IGSF3: variants seen among roughly 807,000 people sequenced by gnomAD.
The protein encoded by IGSF3 is immunoglobulin superfamily member 3.
A neutral mutation model predicts 114.4 loss-of-function variants in IGSF3; 23 were observed. That is an observed-to-expected ratio of 0.20 (90% CI 0.14 to 0.28). IGSF3 has a LOEUF of 0.28. IGSF3 is among the 10% of genes least tolerant of loss of function. IGSF3 has a pLI of 1.00. For synonymous variants in IGSF3, 571 were observed against 645.2 expected (o/e 0.88, Z 1.74); for missense variants, 1,172 against 1,591.5 (o/e 0.74, Z 4.48).
At chr1:116,663,027 C>T (rs1333852986) in intron 2 of IGSF3, among the ~76,000 whole-genome samples, 1 of 152,204 alleles carries the variant, frequency 6.6e-6, no homozygotes, top group African/African-American at 2.4e-5. Context: ...CCCTCTGGAG[C>T]AGAACACAAA....
rs774807591 is a variant in IGSF3 at position 116,584,966 on chromosome 1, G to A, written c.2527C>T (p.Arg843Cys). The A allele has an allele frequency of 3.2e-5, 52 of 1,608,200 alleles. No homozygotes were observed. The highest frequency in any genetic ancestry group is 6.7e-5 in the Admixed American group (4 of 59,838). ...QVQLECVVLN[R>C]TSITSQLMVE... ...ATGAGCTGGGAGGTTATGCTGGTGC[G>A]GTTGAGAACCACACACTCCAGCTGT... The change falls in exon 9 of 11, where the codon CGC becomes TGC. Residue 843 changes from arginine to cysteine, a missense_variant. This residue lies in a region of IGSF3 where 423 missense variants were observed against 509.8 expected (regional missense o/e 0.83). Coordinates refer to ENST00000369486, the MANE Select transcript of IGSF3 (RefSeq NM_001007237.3). The surrounding 1 kb of genome is among the most constrained non-coding windows in gnomAD (Gnocchi z 5.8).
chr1:116,584,982 C>T lies in IGSF3; in HGVS notation c.2511G>A (p.Glu837=). ...SVLETRQVQL[E]CVVLNRTSIT... is the part of the protein sequence containing the mutation. ...TGCTGGTGCGGTTGAGAACCACACA[C>T]TCCAGCTGTACCTGCCGGGTCTCCA... The change falls in exon 9 of 11, where the codon GAG becomes GAA. Residue 837 remains glutamate, a synonymous_variant. Transcript: ENST00000369486. The surrounding 1 kb of genome is among the most constrained non-coding windows in gnomAD (Gnocchi z 5.8). 6.3e-7 allele frequency: 1 copy of T among 1,595,466 alleles called. No homozygotes were observed. Among genetic ancestry groups the T allele is most frequent in the South Asian group, 1.1e-5 (1 of 89,446 alleles).
intron 5 of IGSF3, among the ~76,000 whole-genome samples, chr1:116,604,540 G>GT (rs1660717483): frequency 6.6e-6 from 1 of 152,236 alleles, no homozygotes; most frequent in South Asian, 2.1e-4. Flanking sequence ...AAAACCAACA[G>GT]TAAGTATTGG....
Position 116,633,478 on chromosome 1 carries a change from A to G in IGSF3, c.44-17021T>C, listed in dbSNP as rs1647685866. On this transcript the variant is annotated intron_variant, in intron 2 of 10. Coordinates refer to ENST00000369486, the MANE Select transcript of IGSF3 (RefSeq NM_001007237.3). This position sits in a 1 kb window ranked among gnomAD's most constrained non-coding sequence, Gnocchi z 4.3. Reference sequence around the variant, plus strand: ...ATCCTTAAAATCCCCTTTCAGCTCCAAGACTGTGTAATTCTGTGATACCAG... The same window carrying G: ...ATCCTTAAAATCCCCTTTCAGCTCCGAGACTGTGTAATTCTGTGATACCAG... Among the ~76,000 whole-genome samples, 1 of 152,204 alleles carries G rather than the reference A, an allele frequency of 6.6e-6. No individual in the cohort carries two copies. Among genetic ancestry groups the G allele is most frequent in the African/African-American group, 2.4e-5 (1 of 41,466 alleles).
Position 116,577,438 on chromosome 1 carries a change from G to A in IGSF3, c.3459C>T (p.Asn1153=). The A allele has an allele frequency of 1.9e-6, 3 of 1,614,234 alleles. No homozygotes were observed. The highest frequency in any genetic ancestry group is 2.5e-6 in the Non-Finnish European group (3 of 1,180,044). Residue 1153 remains asparagine (N), a synonymous_variant, in exon 11 of 11, where the codon AAC becomes AAT. Coordinates refer to ENST00000369486, the MANE Select transcript of IGSF3 (RefSeq NM_001007237.3). This position sits in a 1 kb window ranked among gnomAD's most constrained non-coding sequence, Gnocchi z 5.7. ...TILLVRFKSR[N]SSKNSDGKNG... is the part of the protein sequence containing the mutation. ...TCTTCCCATCAGAGTTCTTGCTGGA[G>A]TTCCGGCTCTTGAAACGCACCAGAA...
rs564791305 is a variant in IGSF3 at position 116,600,867 on chromosome 1, A to G, written c.1625-522T>C. Among the ~76,000 whole-genome samples the G allele has an allele frequency of 2.1e-3, 318 of 152,030 alleles. 2 individuals are homozygous for G. Among genetic ancestry groups the G allele is most frequent in the African/African-American group, 7.5e-3 (309 of 41,346 alleles). ...TTCTCACGTCCCTCATGAAATCCAA[A>G]AACAGAGCAGGTGGGGACCTCCAGT... On this transcript the variant is annotated intron_variant, in intron 6 of 10. Transcript: ENST00000369486. The surrounding 1 kb of genome is among the most constrained non-coding windows in gnomAD (Gnocchi z 5.5).
rs1648749412 is a variant in IGSF3 at position 116,654,132 on chromosome 1, A to C, written c.43+12152T>G. On this transcript the variant is annotated intron_variant, in intron 2 of 10. Coordinates refer to ENST00000369486, the MANE Select transcript of IGSF3 (RefSeq NM_001007237.3). This position sits in a 1 kb window ranked among gnomAD's most constrained non-coding sequence, Gnocchi z 4.4. ...TCCATCTATGTGAAGCAGAATTCCC[A>C]ACACACCACCATCTCCAAACCAACA... 1.3e-5 allele frequency among the ~76,000 whole-genome samples: 2 copies of C among 152,186 alleles called. No homozygotes were observed. Among genetic ancestry groups the C allele is most frequent in the Admixed American group, 6.5e-5 (1 of 15,276 alleles).
At position 116,664,585 on chromosome 1, in the gene IGSF3, A is replaced by G. The variant is rs1649253065; in HGVS notation, c.43+1699T>C. ...CTTGTTTGTGTCCTGTTGAATCCAC[A>G]TGAATCACTAATTGCTGATTTAAAC... is the stretch of plus-strand genomic sequence containing the variant. On this transcript the variant is annotated intron_variant, in intron 2 of 10. Transcript: ENST00000369486. This position sits in a 1 kb window ranked among gnomAD's most constrained non-coding sequence, Gnocchi z 4.6. Among the ~76,000 whole-genome samples the G allele has an allele frequency of 6.6e-6, 1 of 152,184 alleles. No homozygotes were observed. The highest frequency in any genetic ancestry group is 2.4e-5 in the African/African-American group (1 of 41,426).
intron 2 of IGSF3, among the ~76,000 whole-genome samples, chr1:116,620,497 C>G (rs1661383204): frequency 6.6e-6 from 1 of 152,182 alleles, no homozygotes; most frequent in African/African-American, 2.4e-5. Context: ...AGACCTTGCC[C>G]TATGCACTAA....
Position 116,666,562 on chromosome 1 carries a change from G to A in IGSF3, c.-236C>T, listed in dbSNP as rs190733426. ...CTACAGGAAGGGTCCACAACAATTC[G>A]GAAGTCGCTCCCGGCTCCTGCCACA... On this transcript the variant is annotated 5_prime_UTR_variant, in exon 2 of 11. Coordinates refer to ENST00000369486, the MANE Select transcript of IGSF3 (RefSeq NM_001007237.3). 2 of 600,552 alleles carry A rather than the reference G, an allele frequency of 3.3e-6. No homozygotes were observed. Among genetic ancestry groups the A allele is most frequent in the East Asian group, 2.7e-5 (1 of 36,378 alleles). 37.2% of individuals were successfully genotyped at this position (600,552 alleles called of 1,614,324 possible). A position where few individuals can be genotyped will look rare whatever the true frequency, so the allele number is the denominator to read the frequency against.
chr1:116,643,753 T>A (rs1479336096), intron 2 of IGSF3, among the ~76,000 whole-genome samples: 2 of 152,186 alleles, frequency 1.3e-5, no homozygotes, highest in Non-Finnish European at 2.9e-5. Flanking sequence ...ATGCGACAGA[T>A]CCTCCGATCC....
At chr1:116,663,956 T>C (rs910767225) in intron 2 of IGSF3, among the ~76,000 whole-genome samples, 1 of 152,220 alleles carries the variant, frequency 6.6e-6, no homozygotes, top group South Asian at 2.1e-4. Flanking sequence ...ATTCACATTA[T>C]GCAGCAAGAA....
Position 116,625,713 on chromosome 1 carries a change from CA to C in IGSF3, c.44-9257del, listed in dbSNP as rs1181848605. Among the ~76,000 whole-genome samples the C allele has an allele frequency of 6.6e-6, 1 of 152,180 alleles. No homozygotes were observed. Among genetic ancestry groups the C allele is most frequent in the Non-Finnish European group, 1.5e-5 (1 of 68,024 alleles). On this transcript the variant is annotated intron_variant, in intron 2 of 10. Coordinates refer to ENST00000369486, the MANE Select transcript of IGSF3 (RefSeq NM_001007237.3). This position sits in a 1 kb window ranked among gnomAD's most constrained non-coding sequence, Gnocchi z 4.7. ...CCTGGCCTGGTTTTAAATCCAAGGA[CA>C]AAAATATCATTCATTCACTCTTTCA...
chr1:116,587,160 T>G lies in IGSF3; in HGVS notation c.2440+1534A>C, dbSNP rs76347964. On this transcript the variant is annotated intron_variant, in intron 8 of 10. Transcript: ENST00000369486. The stretch of plus-strand genomic sequence containing the variant: ...AATAGTGAAGAAAACCAAGTCCCTA[T>G]GCTTACTCAGGAGGCTTCAATTCTA... Among the ~76,000 whole-genome samples, 9 of 152,312 alleles carry G rather than the reference T, an allele frequency of 5.9e-5. No homozygotes were observed. In the East Asian group the frequency reaches 1.5e-3, roughly 26 times the overall value.
intron 2 of IGSF3, among the ~76,000 whole-genome samples, chr1:116,635,185 C>A (rs1404312900): frequency 6.6e-6 from 1 of 152,202 alleles, no homozygotes; most frequent in Non-Finnish European, 1.5e-5. Flanking sequence ...AATGTCTAGG[C>A]CCCATCTGTA....
In IGSF3 at chr1:116,665,022, C is replaced by T. The variant is rs1649273315; in HGVS notation, c.43+1262G>A. Among the ~76,000 whole-genome samples, 1 of 152,222 alleles carries T rather than the reference C, an allele frequency of 6.6e-6. No individual in the cohort carries two copies. The highest frequency in any genetic ancestry group is 1.5e-5 in the Non-Finnish European group (1 of 68,040). Reference sequence around the variant, plus strand: ...TTTGAGAACCACTGATTGCACAAATCTATTATGAGTTTCAGACATTATTTA... The same window carrying T: ...TTTGAGAACCACTGATTGCACAAATTTATTATGAGTTTCAGACATTATTTA... On this transcript the variant is annotated intron_variant, in intron 2 of 10. Transcript: ENST00000369486. The surrounding 1 kb of genome is among the most constrained non-coding windows in gnomAD (Gnocchi z 4.0).
intron 2 of IGSF3, among the ~76,000 whole-genome samples, chr1:116,659,646 T>C (rs1260950317): frequency 6.6e-6 from 1 of 152,096 alleles, no homozygotes; most frequent in Non-Finnish European, 1.5e-5. Context: ...GTGTGTGAGA[T>C]GGGGGCCACC....
At chr1:116,637,673 C>A (rs1409554019) in intron 2 of IGSF3, among the ~76,000 whole-genome samples, 1 of 152,200 alleles carries the variant, frequency 6.6e-6, no homozygotes, top group Non-Finnish European at 1.5e-5. Flanking sequence ...GCCTCCCCCT[C>A]CTACACTTTG....
At position 116,661,547 on chromosome 1, in the gene IGSF3, T is replaced by C. The variant is rs1649118226; in HGVS notation, c.43+4737A>G. On this transcript the variant is annotated intron_variant, in intron 2 of 10. Coordinates refer to ENST00000369486, the MANE Select transcript of IGSF3 (RefSeq NM_001007237.3). This position sits in a 1 kb window ranked among gnomAD's most constrained non-coding sequence, Gnocchi z 4.0. ...CCTATGAAACAAACGTTGGTTCATC[T>C]AACTCATGCCTTCCTAACAAGCCTT... 6.6e-6 allele frequency among the ~76,000 whole-genome samples: 1 copy of C among 152,226 alleles called. No homozygotes were observed. Among genetic ancestry groups the C allele is most frequent in the Admixed American group, 6.5e-5 (1 of 15,284 alleles).
Sources: allele counts gnomAD v4.1 joint callset (sites outside exome capture counted in the v4.1 genomes callset), GRCh38; gene constraint gnomAD v4.1.1; regional missense constraint gnomAD v4.1.1; non-coding constraint Gnocchi (gnomAD v3.1); transcripts MANE v1.5; gene names NCBI Gene and HGNC (gene_info 2026-07-23, HGNC 2026-07-21).